RBFOX1: variants seen among roughly 807,000 people sequenced by gnomAD.
RBFOX1 encodes RNA binding protein fox-1 homolog 1.
In RBFOX1, 8 loss-of-function variants were observed where a neutral mutation model predicts 57.7. The ratio of observed to expected loss-of-function variants is 0.14; its 90% confidence interval spans 0.08 to 0.25. The LOEUF (loss-of-function observed/expected upper bound fraction) is 0.25. Among genes scored for constraint, RBFOX1 ranks in the 10% least tolerant of loss-of-function variants. The pLI is 1.00. For missense variants in RBFOX1, 611 were observed against 548.5 expected (o/e 1.11, Z -1.14); for synonymous variants, 326 against 222.4 (o/e 1.47, Z -4.15).
intron 4 of RBFOX1, among the ~76,000 whole-genome samples, chr16:7,065,788 G>A (rs2055856353): frequency 6.6e-6 from 1 of 152,072 alleles, no homozygotes. Flanking sequence ...TGTATTATTT[G>A]ACCAATATCT....
chr16:7,697,130 C>G (rs2079043651), intron 14 of RBFOX1, among the ~76,000 whole-genome samples: 2 of 152,192 alleles, frequency 1.3e-5, no homozygotes, highest in South Asian at 4.1e-4. Flanking sequence ...ACCAAACTGC[C>G]AAAGAACAGA....
chr16:6,462,565 A>T (rs539204066), intron 2 of RBFOX1, among the ~76,000 whole-genome samples: 44 of 152,280 alleles, frequency 2.9e-4, no homozygotes, highest in Middle Eastern at 3.4e-3. Flanking sequence ...CAAAATAAGC[A>T]TTGCTATAAG....
chr16:6,781,032 C>T (rs2080930306), intron 3 of RBFOX1, among the ~76,000 whole-genome samples: 1 of 152,078 alleles, frequency 6.6e-6, no homozygotes, highest in Admixed American at 6.6e-5. Flanking sequence ...CTTTGGTTAC[C>T]TGTGCATTTG....
intron 3 of RBFOX1, among the ~76,000 whole-genome samples, chr16:5,608,779 T>A (rs1361460344): frequency 6.6e-6 from 1 of 152,222 alleles, no homozygotes; most frequent in African/African-American, 2.4e-5. Context: ...GGTAGCTGGC[T>A]TTCCTGATGT....
intron 4 of RBFOX1, among the ~76,000 whole-genome samples, chr16:7,179,795 C>G (rs1054195756): frequency 1.3e-5 from 2 of 151,998 alleles, no homozygotes; most frequent in African/African-American, 4.8e-5. Flanking sequence ...AATGCAGTGG[C>G]ATGATCTCGG....
chr16:7,691,690 T>G (rs2077373825), intron 14 of RBFOX1, among the ~76,000 whole-genome samples: 1 of 152,154 alleles, frequency 6.6e-6, no homozygotes, highest in African/African-American at 2.4e-5. Flanking sequence ...TGTTTTTGTC[T>G]CCAAGTGGCT....
chr16:7,446,962 G>A (rs1042976810), intron 4 of RBFOX1, among the ~76,000 whole-genome samples: 2 of 151,350 alleles, frequency 1.3e-5, no homozygotes, highest in Middle Eastern at 3.4e-3. Flanking sequence ...ACAGGTGCCC[G>A]CCACCACACC....
intron 4 of RBFOX1, among the ~76,000 whole-genome samples, chr16:7,301,651 G>A (rs879784623): frequency 2.6e-5 from 4 of 152,098 alleles, no homozygotes; most frequent in Admixed American, 1.3e-4. Flanking sequence ...AAAGTGCCAT[G>A]TATTATGTAT....
At chr16:5,684,604 G>A (rs1349060238) in intron 3 of RBFOX1, among the ~76,000 whole-genome samples, 1 of 152,158 alleles carries the variant, frequency 6.6e-6, no homozygotes, top group Non-Finnish European at 1.5e-5. Context: ...TGACCCCACG[G>A]TTAATAAAGT....
intron 4 of RBFOX1, among the ~76,000 whole-genome samples, chr16:7,331,984 C>T (rs779615767): frequency 1.3e-5 from 2 of 152,118 alleles, no homozygotes; most frequent in East Asian, 1.9e-4. Context: ...TGCCTTGAAA[C>T]TCTGAGAACA....
chr16:5,573,546 T>C (rs2046354624), intron 2 of RBFOX1, among the ~76,000 whole-genome samples: 1 of 152,184 alleles, frequency 6.6e-6, no homozygotes, highest in South Asian at 2.1e-4. Flanking sequence ...CCACGGAATG[T>C]ACCAGAAATC....
intron 2 of RBFOX1, among the ~76,000 whole-genome samples, chr16:5,488,288 A>G (rs1211004556): frequency 5.8e-5 from 4 of 69,220 alleles, no homozygotes; most frequent in African/African-American, 2.0e-4. Context: ...GGTGGTGGTG[A>G]TGATGATGAT....
At chr16:6,072,583 G>A (rs962679810) in intron 1 of RBFOX1, among the ~76,000 whole-genome samples, 1 of 151,624 alleles carries the variant, frequency 6.6e-6, no homozygotes, top group African/African-American at 2.4e-5. Context: ...AATGGCAAAA[G>A]GGTTCCAGTT....
intron 3 of RBFOX1, among the ~76,000 whole-genome samples, chr16:6,905,171 T>C (rs1301425312): frequency 1.3e-5 from 2 of 152,184 alleles, no homozygotes; most frequent in South Asian, 2.1e-4. Context: ...AAATCCTTTA[T>C]TCTTTATCCA....
At chr16:6,266,151 C>T (rs114592606) in intron 1 of RBFOX1, among the ~76,000 whole-genome samples, 3,025 of 152,204 alleles carry the variant, frequency 0.02, 107 homozygotes, top group African/African-American at 0.068. Context: ...TCTCTTCTCC[C>T]ACTGTGGAGA....
chr16:7,391,185 C>T lies in RBFOX1; in HGVS notation c.28-126962C>T, dbSNP rs572511094. Among the ~76,000 whole-genome samples, 15 of 152,278 alleles carry T rather than the reference C, an allele frequency of 9.9e-5. No individual in the cohort carries two copies. In the East Asian group the frequency reaches 2.7e-3, roughly 28 times the overall value. On this transcript the variant is annotated intron_variant, in intron 4 of 15. Transcript: ENST00000550418. ...TCCAGACACTGCCCCCTGCACGTGACTGGCCCCACCTCCGTCCCACCTTGG... is the reference window on the plus strand; with the variant it reads ...TCCAGACACTGCCCCCTGCACGTGATTGGCCCCACCTCCGTCCCACCTTGG...
At chr16:7,700,456 G>T (rs575216063) in intron 14 of RBFOX1, among the ~76,000 whole-genome samples, 2 of 152,294 alleles carry the variant, frequency 1.3e-5, no homozygotes, top group East Asian at 1.9e-4. Context: ...GGGATCCCCA[G>T]CTGCTGTTCA....
rs578157908 is a variant in RBFOX1, at chr16:7,161,050, G to A, written c.27+108952G>A. ...TGTTGTCAGTGTTTTGGTTCAGGTT[G>A]TTCCCAGCTACCCAGATGACTACCT... On this transcript the variant is annotated intron_variant, in intron 4 of 15. Transcript: ENST00000550418. Among the ~76,000 whole-genome samples, 4 of 152,274 alleles carry A rather than the reference G, an allele frequency of 2.6e-5. No individual in the cohort carries two copies. In the East Asian group the frequency reaches 5.8e-4, roughly 22 times the overall value.
At chr16:5,453,946 G>A (rs2068504570) in intron 1 of RBFOX1, among the ~76,000 whole-genome samples, 1 of 152,104 alleles carries the variant, frequency 6.6e-6, no homozygotes, top group African/African-American at 2.4e-5. Flanking sequence ...TCCCAAGTAT[G>A]AAAAAGATGG....
Sources: gnomAD v4.1 joint callset for allele counts (sites outside exome capture counted in the v4.1 genomes callset) on GRCh38, gnomAD v4.1.1 for gene constraint, MANE v1.5 for transcripts, NCBI Gene and HGNC (gene_info 2026-07-23, HGNC 2026-07-21) for gene names.